The following ZDHHC7 variants were observed in gnomAD, a reference collection of about 807,000 sequenced individuals.
ZDHHC7 encodes palmitoyltransferase ZDHHC7.
A neutral mutation model predicts 34.1 loss-of-function variants in ZDHHC7; 12 were observed. The ratio of observed to expected loss-of-function variants is 0.35; its 90% CI spans 0.23 to 0.57. The LOEUF (loss-of-function observed/expected upper bound fraction) is 0.57, where lower values mean the gene tolerates loss of function less well. Ranked by LOEUF, ZDHHC7 falls within the 20% of genes least tolerant of loss-of-function variation. The probability of loss-of-function intolerance (pLI) is 0.84; values close to 1 mark genes in which losing one functional copy is unlikely to be tolerated. For synonymous variants in ZDHHC7, 185 were observed against 155.4 expected (o/e 1.19, Z -1.42); for missense variants, 388 against 402.7 (o/e 0.96, Z 0.31).
chr16:85,023,340 T>A, the ZDHHC7 span, among the ~76,000 whole-genome samples: 1 of 152,046 alleles, frequency 6.6e-6, no homozygotes, highest in East Asian at 1.9e-4. Context: ...AATTTTCGTA[T>A]TTTTAGTAGA....
chr16:85,001,738 TTTG>T (rs1053370611), intron 1 of ZDHHC7, among the ~76,000 whole-genome samples: 4 of 151,926 alleles, frequency 2.6e-5, no homozygotes, highest in Non-Finnish European at 2.9e-5. Flanking sequence ...CAGATCTTGG[TTTG>T]TTGTTGTTGT....
intron 1 of ZDHHC7, among the ~76,000 whole-genome samples, chr16:85,008,164 G>T (rs1426942747): frequency 6.6e-6 from 1 of 152,020 alleles, no homozygotes; most frequent in Admixed American, 6.5e-5. Flanking sequence ...TACCCAAAAA[G>T]AGGTCTGCCC....
At chr16:84,979,689 A>G (rs1172390634) in intron 4 of ZDHHC7, among the ~76,000 whole-genome samples, 10 of 152,094 alleles carry the variant, frequency 6.6e-5, no homozygotes, top group Non-Finnish European at 1.5e-4. Flanking sequence ...AATTCCTACC[A>G]CTGAATCCAT....
intron 1 of ZDHHC7, among the ~76,000 whole-genome samples, chr16:85,006,231 C>T (rs1028632910): frequency 7.2e-5 from 11 of 152,058 alleles, no homozygotes; most frequent in African/African-American, 2.7e-4. Flanking sequence ...CAGTGGTACA[C>T]AGCTGTAGTC....
At chr16:85,009,019 T>C (rs1352086769) in intron 1 of ZDHHC7, among the ~76,000 whole-genome samples, 2 of 148,012 alleles carry the variant, frequency 1.4e-5, no homozygotes, top group Non-Finnish European at 3.0e-5. Context: ...CACTCCAGCC[T>C]GGGCAACAAG....
chr16:85,018,316 G>A, the ZDHHC7 span, among the ~76,000 whole-genome samples: 1 of 152,156 alleles, frequency 6.6e-6, no homozygotes, highest in Admixed American at 6.5e-5. Flanking sequence ...GACAGGGCAA[G>A]GCAGTGATTC....
At chr16:84,979,513 C>G (rs1447830054) in intron 4 of ZDHHC7, among the ~76,000 whole-genome samples, 2 of 152,136 alleles carry the variant, frequency 1.3e-5, no homozygotes, top group East Asian at 3.8e-4. Flanking sequence ...GGCGAAAGGT[C>G]AAACTAAGCC....
At chr16:85,009,960 G>A (rs1188066047) in intron 1 of ZDHHC7, among the ~76,000 whole-genome samples, 3 of 151,676 alleles carry the variant, frequency 2.0e-5, no homozygotes, top group Non-Finnish European at 4.4e-5. Context: ...CGCCCGCCTC[G>A]GCCTCCCAAA....
chr16:84,990,238 T>A, intron 3 of ZDHHC7, 66 bp downstream of exon 3: 2 of 1,550,144 alleles, frequency 1.3e-6, no homozygotes, highest in Non-Finnish European at 1.8e-6. Context: ...CTCCAAAGGG[T>A]CAGCCACACC....
At chr16:84,990,180 A>G in intron 3 of ZDHHC7, 124 bp downstream of exon 3, 3 of 1,175,350 alleles carry the variant, frequency 2.6e-6, no homozygotes, top group Non-Finnish European at 3.6e-6. Context: ...AGCTCAATCC[A>G]CCTTTCTTGT....
At chr16:84,995,498 T>A (rs1597551517) in intron 2 of ZDHHC7, among the ~76,000 whole-genome samples, 1 of 151,928 alleles carries the variant, frequency 6.6e-6, no homozygotes, top group South Asian at 2.1e-4. Context: ...TGATGGCGGG[T>A]GCCTGTAATC....
At chr16:85,014,791 C>T (rs1337389290), upstream of ZDHHC7, among the ~76,000 whole-genome samples, 1 of 152,180 alleles carries the variant, frequency 6.6e-6, no homozygotes, top group South Asian at 2.1e-4. Context: ...ATTCTGAGAA[C>T]ATTCCCAAGG....
chr16:84,998,109 A>ACC (rs1567503027), intron 1 of ZDHHC7, among the ~76,000 whole-genome samples: 1 of 137,634 alleles, frequency 7.3e-6, no homozygotes, highest in Non-Finnish European at 1.6e-5. Flanking sequence ...TAAAAATAAA[A>ACC]AAAAATTAGC....
At chr16:85,002,465 A>G (rs1260721106) in intron 1 of ZDHHC7, among the ~76,000 whole-genome samples, 1 of 152,132 alleles carries the variant, frequency 6.6e-6, no homozygotes, top group Non-Finnish European at 1.5e-5. Flanking sequence ...AAGTCTAGTC[A>G]TAAGGAAAAT....
chr16:85,016,270 C>T (rs890737949), upstream of ZDHHC7, among the ~76,000 whole-genome samples: 1 of 152,060 alleles, frequency 6.6e-6, no homozygotes, highest in African/African-American at 2.4e-5. Context: ...GATCCTTCCA[C>T]CTCAGCCTCC....
the ZDHHC7 span, among the ~76,000 whole-genome samples, chr16:85,019,995 G>C: frequency 2.6e-5 from 4 of 152,204 alleles, no homozygotes; most frequent in Non-Finnish European, 5.9e-5. Context: ...CTGAGAGTCA[G>C]ATGTAAGCCA....
chr16:84,991,244 G>A (rs1216093284), intron 2 of ZDHHC7, among the ~76,000 whole-genome samples: 1 of 152,072 alleles, frequency 6.6e-6, no homozygotes, highest in Non-Finnish European at 1.5e-5. Flanking sequence ...TTATATCTCT[G>A]TTCCTTGACA....
chr16:84,998,391 T>G (rs543842440), intron 1 of ZDHHC7, among the ~76,000 whole-genome samples: 3 of 152,120 alleles, frequency 2.0e-5, no homozygotes, highest in Non-Finnish European at 2.9e-5. Context: ...GGCTCTGGCT[T>G]CGGCGCCGGC....
chr16:84,991,557 G>A (rs748565059), intron 2 of ZDHHC7, among the ~76,000 whole-genome samples: 4 of 152,030 alleles, frequency 2.6e-5, no homozygotes, highest in Non-Finnish European at 5.9e-5. Flanking sequence ...CAAAGTGCTG[G>A]GATTACAGGC....
Sources: allele counts gnomAD v4.1 joint callset (sites outside exome capture counted in the v4.1 genomes callset), GRCh38; gene constraint gnomAD v4.1.1; transcripts MANE v1.5; gene names NCBI Gene and HGNC (gene_info 2026-07-23, HGNC 2026-07-21).